RAB5C: variants seen among roughly 807,000 people sequenced by gnomAD.
The protein encoded by RAB5C is RAB5C, member RAS oncogene family.
A neutral mutation model predicts 25.2 loss-of-function variants in RAB5C; 4 were observed. That is an observed-to-expected ratio of 0.16 (90% CI 0.08 to 0.36). The LOEUF is 0.36. Ranked by LOEUF, RAB5C falls within the 10% of genes least tolerant of loss-of-function variation. RAB5C has a pLI of 1.00. For synonymous variants in RAB5C, 100 were observed against 106.4 expected (o/e 0.94, Z 0.37); for missense variants, 199 against 283.8 (o/e 0.70, Z 2.15).
At chr17:42,142,726 T>A (rs1010097768) in intron 1 of RAB5C, among the ~76,000 whole-genome samples, 2 of 152,116 alleles carry the variant, frequency 1.3e-5, no homozygotes, top group Non-Finnish European at 2.9e-5. Flanking sequence ...AGGGCTCAAG[T>A]TACACATTTT....
At chr17:42,129,033 A>C (rs1159210665) in intron 2 of RAB5C, among the ~76,000 whole-genome samples, 1 of 152,034 alleles carries the variant, frequency 6.6e-6, no homozygotes, top group Non-Finnish European at 1.5e-5. Flanking sequence ...AGGCAACGGC[A>C]GGAGAAGGGA....
chr17:42,126,335 T>TA (rs1223322007), intron 5 of RAB5C, among the ~76,000 whole-genome samples: 2 of 151,912 alleles, frequency 1.3e-5, no homozygotes, highest in African/African-American at 4.8e-5. Context: ...ATCAGAAGGT[T>TA]AAAAGTGGTG....
chr17:42,154,092 G>A (rs2079689806), intron 1 of RAB5C, among the ~76,000 whole-genome samples: 1 of 152,146 alleles, frequency 6.6e-6, no homozygotes, highest in Non-Finnish European at 1.5e-5. Context: ...GAGGCGGCTG[G>A]GAAACCACTC....
chr17:42,138,403 G>C (rs2054558979), intron 1 of RAB5C, among the ~76,000 whole-genome samples: 1 of 152,192 alleles, frequency 6.6e-6, no homozygotes, highest in Non-Finnish European at 1.5e-5. Flanking sequence ...AACAGGGTGG[G>C]CTCCACCTCC....
At chr17:42,126,537 CAGG>C (rs2144058151) in intron 5 of RAB5C, 1 of 275,254 alleles carries the variant, frequency 3.6e-6, no homozygotes, top group East Asian at 6.8e-5. Flanking sequence ...GAGGCTGAGG[CAGG>C]AGAATGGCGT....
At chr17:42,135,848 T>C (rs1261632315) in intron 1 of RAB5C, among the ~76,000 whole-genome samples, 1 of 152,192 alleles carries the variant, frequency 6.6e-6, no homozygotes, top group Non-Finnish European at 1.5e-5. Context: ...AGACTTCCTC[T>C]AGCTGAGAGT....
chr17:42,126,186 TGATGGCAGGCTCTGAAATG>T (rs1721923124), intron 5 of RAB5C, among the ~76,000 whole-genome samples: 1 of 151,984 alleles, frequency 6.6e-6, no homozygotes, highest in Non-Finnish European at 1.5e-5. Flanking sequence ...GTAGGGGTAG[TGATGGCAGGCTCTGAAATG>T]GGTGGCAGGC....
intron 1 of RAB5C, among the ~76,000 whole-genome samples, chr17:42,145,098 G>C (rs868619323): frequency 1.3e-5 from 2 of 151,772 alleles, no homozygotes; most frequent in Admixed American, 6.6e-5. Flanking sequence ...GCGTGAACCC[G>C]GGAGGCGGAG....
Position 42,130,507 on chromosome 17 carries a change from C to A in RAB5C, c.-5G>T. 6.2e-7 allele frequency: 1 copy of A among 1,613,960 alleles called. No homozygotes were observed. The highest frequency in any genetic ancestry group is 8.5e-7 in the Non-Finnish European group (1 of 1,180,002). On this transcript the variant is annotated 5_prime_UTR_variant, in exon 2 of 6. Coordinates refer to ENST00000346213, the MANE Select transcript of RAB5C (RefSeq NM_004583.4). ...TGCGCCTCCCCGACCCGCCATTGCCCGTCCAGCTGTAGTGGTCCAGAGAGC... is the reference window on the plus strand; with the variant it reads ...TGCGCCTCCCCGACCCGCCATTGCCAGTCCAGCTGTAGTGGTCCAGAGAGC...
In RAB5C at chr17:42,125,273, C is replaced by G. The variant is rs1598240481; in HGVS notation, c.*510G>C. 1 of 153,372 alleles carries G rather than the reference C, an allele frequency of 6.5e-6. No individual in the cohort carries two copies. The highest frequency in any genetic ancestry group is 2.4e-5 in the African/African-American group (1 of 41,556). 9.5% of individuals were successfully genotyped at this position (153,372 alleles called of 1,614,324 possible). Reference sequence around the variant, plus strand: ...GGTGGGAGCGGGGAGGGGGCTGCAGCCTGATGAGAGCCAGCTGAAGGAAGA... The same window carrying G: ...GGTGGGAGCGGGGAGGGGGCTGCAGGCTGATGAGAGCCAGCTGAAGGAAGA... On this transcript the variant is annotated 3_prime_UTR_variant, in exon 6 of 6. Coordinates refer to ENST00000346213, the MANE Select transcript of RAB5C (RefSeq NM_004583.4).
chr17:42,153,828 G>A (rs571213437), intron 1 of RAB5C, among the ~76,000 whole-genome samples: 3 of 152,314 alleles, frequency 2.0e-5, no homozygotes, highest in South Asian at 2.1e-4. Flanking sequence ...GGCATGTATC[G>A]GAATTCCTCA....
At chr17:42,151,271 CT>C (rs2079669408) in intron 1 of RAB5C, among the ~76,000 whole-genome samples, 1 of 152,116 alleles carries the variant, frequency 6.6e-6, no homozygotes, top group Non-Finnish European at 1.5e-5. Flanking sequence ...CCCATCTCTA[CT>C]AAAAATACAA....
At chr17:42,148,338 G>A (rs1468631451) in intron 1 of RAB5C, among the ~76,000 whole-genome samples, 1 of 149,866 alleles carries the variant, frequency 6.7e-6, no homozygotes, top group African/African-American at 2.5e-5. Context: ...CCAGGAGGCG[G>A]AGGTTACAGT....
chr17:42,143,169 C>T (rs1482570543), intron 1 of RAB5C, among the ~76,000 whole-genome samples: 2 of 152,322 alleles, frequency 1.3e-5, no homozygotes, highest in Admixed American at 6.5e-5. Flanking sequence ...CCCAGGTCCA[C>T]CTCTACCTTT....
At chr17:42,141,433 T>C (rs2079602735) in intron 1 of RAB5C, among the ~76,000 whole-genome samples, 1 of 152,186 alleles carries the variant, frequency 6.6e-6, no homozygotes, top group African/African-American at 2.4e-5. Flanking sequence ...TGACCCATAG[T>C]AGGTGAGCAC....
intron 1 of RAB5C, chr17:42,137,775 T>G (rs1377042038): frequency 2.0e-5 from 3 of 151,942 alleles, no homozygotes; most frequent in Non-Finnish European, 4.4e-5. Flanking sequence ...TAGTCCCAGC[T>G]ACTCGGGAGG....
chr17:42,129,723 C>T (rs1299770658), intron 2 of RAB5C, among the ~76,000 whole-genome samples: 3 of 152,228 alleles, frequency 2.0e-5, no homozygotes, highest in Non-Finnish European at 4.4e-5. Context: ...TGCCTAGAAA[C>T]CTCCTACCAA....
chr17:42,126,727 A>G (rs768489602), intron 5 of RAB5C, 28 bp downstream of exon 5: 2 of 1,452,802 alleles, frequency 1.4e-6, no homozygotes, highest in Middle Eastern at 1.9e-4. Context: ...GCTGTGGTGG[A>G]GAGAGGAGGG....
intron 2 of RAB5C, 150 bp from the exon 3 acceptor site, chr17:42,128,950 T>A (rs2054457745): frequency 2.8e-6 from 2 of 723,616 alleles, no homozygotes; most frequent in Non-Finnish European, 3.9e-6. Flanking sequence ...CAGGCCTGAG[T>A]GGGGGGTGGA....
Sources: gnomAD v4.1 joint callset for allele counts (sites outside exome capture counted in the v4.1 genomes callset) on GRCh38, gnomAD v4.1.1 for gene constraint, MANE v1.5 for transcripts, NCBI Gene and HGNC (gene_info 2026-07-23, HGNC 2026-07-21) for gene names.